The following CAMK1D variants were observed in gnomAD, a reference collection of about 807,000 sequenced individuals.
CAMK1D encodes calcium/calmodulin dependent protein kinase ID, also known as calcium/calmodulin-dependent protein kinase type 1D.
CAMK1D carries 9 observed loss-of-function variants against 47.7 expected under a neutral mutation model. That is an observed-to-expected ratio of 0.19 (90% CI 0.11 to 0.33). CAMK1D has a LOEUF of 0.33. Among genes scored for constraint, CAMK1D ranks in the 10% least tolerant of loss-of-function variants. The pLI, the probability that CAMK1D is intolerant of heterozygous loss-of-function variation, is 1.00. For synonymous variants in CAMK1D, 184 were observed against 184.9 expected (o/e 0.99, Z 0.04); for missense variants, 291 against 488.7 (o/e 0.60, Z 3.81).
intron 4 of CAMK1D, among the ~76,000 whole-genome samples, chr10:12,767,078 C>T (rs1836799275): frequency 6.6e-6 from 1 of 152,202 alleles, no homozygotes; most frequent in Non-Finnish European, 1.5e-5. Context: ...TCACAGGTGC[C>T]TCTGCTGCAC....
chr10:12,385,726 C>T (rs1179021475), intron 1 of CAMK1D, among the ~76,000 whole-genome samples: 1 of 148,700 alleles, frequency 6.7e-6, no homozygotes, highest in Non-Finnish European at 1.5e-5. Flanking sequence ...ATACTGAGAA[C>T]CATTGAATTG....
chr10:12,770,023 G>T lies in CAMK1D; in HGVS notation c.565+224G>T, dbSNP rs964070404. 2.6e-5 allele frequency among the ~76,000 whole-genome samples: 4 copies of T among 152,226 alleles called. No homozygotes were observed. The highest frequency in any genetic ancestry group is 6.5e-5 in the Admixed American group (1 of 15,280). On this transcript the variant is annotated intron_variant, in intron 5 of 10. Coordinates refer to ENST00000619168, the MANE Select transcript of CAMK1D (RefSeq NM_153498.4). The stretch of plus-strand genomic sequence containing the variant: ...CCCCTGAAAACTTTTGCACAGTTGG[G>T]TAGAAATCCCATTTGATTTGGTTGT...
intron 1 of CAMK1D, among the ~76,000 whole-genome samples, chr10:12,500,712 A>G (rs1445949126): frequency 4.6e-5 from 7 of 152,232 alleles, no homozygotes; most frequent in Non-Finnish European, 8.8e-5. Flanking sequence ...CATTCTGCCA[A>G]TTTGTCCTTG....
At chr10:12,765,478 G>A (rs1353664920) in intron 4 of CAMK1D, among the ~76,000 whole-genome samples, 1 of 152,186 alleles carries the variant, frequency 6.6e-6, no homozygotes, top group Non-Finnish European at 1.5e-5. Context: ...CATTGACAAA[G>A]GCCCCTTTGA....
chr10:12,746,254 C>G (rs1835670286), intron 3 of CAMK1D, among the ~76,000 whole-genome samples: 1 of 150,884 alleles, frequency 6.6e-6, no homozygotes, highest in African/African-American at 2.5e-5. Context: ...GTCCCAGCTA[C>G]TCGGGAGGCT....
At chr10:12,692,253 G>A (rs1404591604) in intron 3 of CAMK1D, among the ~76,000 whole-genome samples, 1 of 152,140 alleles carries the variant, frequency 6.6e-6, no homozygotes, top group Non-Finnish European at 1.5e-5. Flanking sequence ...TGCTTCTTCT[G>A]TTGTGCTATT....
At chr10:12,404,075 C>T (rs530119552) in intron 1 of CAMK1D, among the ~76,000 whole-genome samples, 13 of 149,298 alleles carry the variant, frequency 8.7e-5, no homozygotes, top group East Asian at 3.9e-4. Context: ...GACTGAGTTT[C>T]GCTCTTGTTG....
chr10:12,425,284 C>CTTT lies in CAMK1D; in HGVS notation c.92+75387_92+75389dup, dbSNP rs778105667. ...CTTTCTTTTCTTTCTTTCTTTCTTTCTTTTTTTTTTTTTTTGAGACAGAGT... is the reference window on the plus strand; with the variant it reads ...CTTTCTTTTCTTTCTTTCTTTCTTTCTTTTTTTTTTTTTTTTTTGAGACAGAGT... On this transcript the variant is annotated intron_variant, in intron 1 of 10. Transcript: ENST00000619168. Among the ~76,000 whole-genome samples the CTTT allele has an allele frequency of 5.7e-5, 8 of 140,994 alleles. No individual in the cohort carries two copies. The South Asian group carries it at 6.8e-4, about 12-fold the overall frequency. 92.5% of individuals were successfully genotyped at this position (140,994 alleles called of 152,430 possible). A position where few individuals can be genotyped will look rare whatever the true frequency, so the allele number is the denominator to read the frequency against.
intron 1 of CAMK1D, among the ~76,000 whole-genome samples, chr10:12,523,783 C>T (rs1010833657): frequency 7.2e-5 from 11 of 151,918 alleles, no homozygotes; most frequent in African/African-American, 2.2e-4. Context: ...GGAGAGGGAG[C>T]GGGAGAGGTA....
Position 12,831,898 on chromosome 10 carries a change from CT to C in CAMK1D, c.*3014del, listed in dbSNP as rs1456758947. 2.6e-5 allele frequency: 4 copies of C among 152,184 alleles called. No homozygotes were observed. Among genetic ancestry groups the C allele is most frequent in the Non-Finnish European group, 4.4e-5 (3 of 68,054 alleles). The allele number at this position is 152,184 out of a possible 1,614,324, so 9.4% of individuals were successfully genotyped here. A position where few individuals can be genotyped will look rare whatever the true frequency, so the allele number is the denominator to read the frequency against. On this transcript the variant is annotated 3_prime_UTR_variant, in exon 11 of 11. Transcript: ENST00000619168. ...AACAGGAAGAGAACCTAGAATGTGC[CT>C]TTCGTGAAGGTCTGACAAATGGGGT...
intron 4 of CAMK1D, among the ~76,000 whole-genome samples, chr10:12,765,153 T>C (rs1165327664): frequency 6.6e-6 from 1 of 152,222 alleles, no homozygotes; most frequent in Non-Finnish European, 1.5e-5. Flanking sequence ...TCTAATCTCC[T>C]GCTTCATCCA....
At chr10:12,353,313 G>A (rs1372015435) in intron 1 of CAMK1D, among the ~76,000 whole-genome samples, 1 of 152,158 alleles carries the variant, frequency 6.6e-6, no homozygotes, top group African/African-American at 2.4e-5. Context: ...ACGAAGGCAG[G>A]AAAGCCTTGT....
At chr10:12,696,411 C>T (rs775688657) in intron 3 of CAMK1D, among the ~76,000 whole-genome samples, 5 of 152,060 alleles carry the variant, frequency 3.3e-5, no homozygotes, top group African/African-American at 9.7e-5. Context: ...GTGGCGTGCA[C>T]CTGTAATCCC....
At chr10:12,420,366 G>A (rs539286764) in intron 1 of CAMK1D, among the ~76,000 whole-genome samples, 1 of 152,310 alleles carries the variant, frequency 6.6e-6, no homozygotes, top group East Asian at 1.9e-4. Flanking sequence ...CACTTCAAAT[G>A]AATGAACTTT....
chr10:12,688,086 A>G (rs1266719502), intron 3 of CAMK1D, among the ~76,000 whole-genome samples: 2 of 152,232 alleles, frequency 1.3e-5, no homozygotes, highest in African/African-American at 4.8e-5. Flanking sequence ...TGAAATATCC[A>G]TTTAATGCAG....
chr10:12,789,437 C>G (rs111532561), intron 5 of CAMK1D, among the ~76,000 whole-genome samples: 2,110 of 152,294 alleles, frequency 0.014, 58 homozygotes, highest in African/African-American at 0.048. Flanking sequence ...CAGCTCTTTC[C>G]TATCTAGCTG....
chr10:12,388,963 G>T (rs1397601910), intron 1 of CAMK1D, among the ~76,000 whole-genome samples: 1 of 152,198 alleles, frequency 6.6e-6, no homozygotes, highest in African/African-American at 2.4e-5. Context: ...CACTTGGGAA[G>T]CACATTGTCG....
intron 1 of CAMK1D, among the ~76,000 whole-genome samples, chr10:12,365,679 C>G (rs1837811682): frequency 6.6e-6 from 1 of 151,992 alleles, no homozygotes; most frequent in Non-Finnish European, 1.5e-5. Context: ...ACCTCGTGAT[C>G]TGCCTGCCTC....
intron 2 of CAMK1D, 33 bp downstream of exon 2, chr10:12,553,389 C>G (rs1249260260): frequency 1.3e-6 from 2 of 1,543,634 alleles, no homozygotes; most frequent in Non-Finnish European, 1.8e-6. Context: ...CCTCCCTTCC[C>G]TACCTCCTGG....
Sources: gnomAD v4.1 joint callset for allele counts (sites outside exome capture counted in the v4.1 genomes callset) on GRCh38, gnomAD v4.1.1 for gene constraint, MANE v1.5 for transcripts, NCBI Gene and HGNC (gene_info 2026-07-23, HGNC 2026-07-21) for gene names.